Variants in DENND1A observed in about 807,000 individuals in gnomAD.
DENND1A encodes DENN domain-containing protein 1A.
In DENND1A, 51 loss-of-function variants were observed where a neutral mutation model predicts 113.7. That is an observed-to-expected ratio of 0.45 (90% confidence interval 0.36 to 0.57). The LOEUF (loss-of-function observed/expected upper bound fraction) is 0.57, where lower values mean the gene tolerates loss of function less well. DENND1A is among the 20% of genes least tolerant of loss of function. The pLI, the probability that DENND1A is intolerant of heterozygous loss-of-function variation, is 0.00. For synonymous variants in DENND1A, 565 were observed against 570.8 expected (o/e 0.99, Z 0.14); for missense variants, 1,258 against 1,395.9 (o/e 0.90, Z 1.57).
intron 9 of DENND1A, among the ~76,000 whole-genome samples, chr9:123,647,784 G>A (rs979040442): frequency 1.3e-4 from 20 of 151,970 alleles, no homozygotes; most frequent in African/African-American, 4.8e-4. Flanking sequence ...ACTACACCAC[G>A]GCCTATCAGT....
chr9:123,531,554 TACACACA>T (rs1438874758), intron 13 of DENND1A, among the ~76,000 whole-genome samples: 60 of 103,128 alleles, frequency 5.8e-4, no homozygotes, highest in African/African-American at 1.9e-3. Context: ...CCTCTCTCTC[TACACACA>T]CACACACACA....
intron 19 of DENND1A, among the ~76,000 whole-genome samples, chr9:123,432,251 A>C (rs1382067451): frequency 1.3e-5 from 2 of 152,208 alleles, no homozygotes; most frequent in Non-Finnish European, 2.9e-5. Flanking sequence ...TGTCTGCTCA[A>C]AGGAGCAAAC....
At chr9:123,526,862 T>C (rs577336158) in intron 13 of DENND1A, among the ~76,000 whole-genome samples, 3 of 152,308 alleles carry the variant, frequency 2.0e-5, no homozygotes, top group Non-Finnish European at 4.4e-5. Context: ...CTAATTACCA[T>C]CTATATGTTG....
chr9:123,821,788 C>T (rs1435590632), intron 2 of DENND1A, among the ~76,000 whole-genome samples: 1 of 152,184 alleles, frequency 6.6e-6, no homozygotes, highest in Admixed American at 6.5e-5. Flanking sequence ...ATGCAGAGGA[C>T]AAGCACACAA....
intron 10 of DENND1A, among the ~76,000 whole-genome samples, chr9:123,619,892 T>G (rs2060852926): frequency 6.6e-6 from 1 of 152,074 alleles, no homozygotes. Context: ...CTTTACCTAA[T>G]TTTTCCACCT....
At chr9:123,718,386 G>A (rs1313378771) in intron 5 of DENND1A, among the ~76,000 whole-genome samples, 2 of 152,218 alleles carry the variant, frequency 1.3e-5, no homozygotes, top group Non-Finnish European at 2.9e-5. Context: ...GGTAGCAAGA[G>A]TTTCTGTTAA....
chr9:123,828,149 G>A (rs374271152), intron 2 of DENND1A, among the ~76,000 whole-genome samples: 41 of 152,150 alleles, frequency 2.7e-4, no homozygotes, highest in African/African-American at 8.9e-4. Flanking sequence ...AGACGTGGAA[G>A]GGAGAGAGAG....
At chr9:123,635,290 G>A (rs974810985) in intron 9 of DENND1A, among the ~76,000 whole-genome samples, 6 of 152,216 alleles carry the variant, frequency 3.9e-5, no homozygotes, top group Non-Finnish European at 8.8e-5. Context: ...AAAGGAAAGA[G>A]TGCGTGTGTG....
At chr9:123,427,082 G>A (rs879284188) in intron 19 of DENND1A, among the ~76,000 whole-genome samples, 3 of 152,242 alleles carry the variant, frequency 2.0e-5, no homozygotes, top group Non-Finnish European at 4.4e-5. Flanking sequence ...TGAGAATGCT[G>A]GTGGGGAGAC....
intron 9 of DENND1A, among the ~76,000 whole-genome samples, chr9:123,631,061 A>G (rs981587378): frequency 1.3e-5 from 2 of 152,244 alleles, no homozygotes; most frequent in African/African-American, 4.8e-5. Context: ...ATTTGTATCT[A>G]TAGTTCCTAA....
At chr9:123,727,474 C>T (rs561245500) in intron 5 of DENND1A, among the ~76,000 whole-genome samples, 4 of 152,110 alleles carry the variant, frequency 2.6e-5, no homozygotes, top group African/African-American at 9.7e-5. Context: ...AGCACTTTTC[C>T]GATCCTCCAG....
chr9:123,559,794 A>G (rs996815983), intron 12 of DENND1A, among the ~76,000 whole-genome samples: 2 of 152,200 alleles, frequency 1.3e-5, no homozygotes, highest in African/African-American at 4.8e-5. Flanking sequence ...ATTACCCCCG[A>G]AAGAAACCTC....
At chr9:123,574,739 A>G (rs969291045) in intron 12 of DENND1A, among the ~76,000 whole-genome samples, 6 of 152,304 alleles carry the variant, frequency 3.9e-5, no homozygotes, top group Admixed American at 1.3e-4. Flanking sequence ...GAGAAACTAA[A>G]AGCTATGGCT....
intron 2 of DENND1A, among the ~76,000 whole-genome samples, chr9:123,876,547 G>A (rs1050898471): frequency 9.2e-5 from 14 of 152,156 alleles, no homozygotes; most frequent in African/African-American, 3.1e-4. Context: ...ATAATTCTGT[G>A]TGTGTATACT....
chr9:123,549,288 C>T (rs1438410288), intron 13 of DENND1A, among the ~76,000 whole-genome samples: 3 of 152,096 alleles, frequency 2.0e-5, no homozygotes, highest in Non-Finnish European at 4.4e-5. Context: ...TCTTGCTGTA[C>T]TGTACATAGT....
chr9:123,413,585 A>C (rs1249136135), intron 19 of DENND1A: 31 of 985,312 alleles, frequency 3.1e-5, no homozygotes, highest in Non-Finnish European at 3.7e-5. Flanking sequence ...GCCTGAGGGG[A>C]AAGCGGGTCC....
chr9:123,382,146 G>A lies in DENND1A; in HGVS notation c.2499C>T (p.Pro833=), dbSNP rs149995815. 122 of 1,599,962 alleles carry A rather than the reference G, an allele frequency of 7.6e-5. No homozygotes were observed. The African/African-American group carries it at 9.2e-4, about 12-fold the overall frequency. Residue 833 remains proline (P), a synonymous_variant, in exon 24 of 24, where the codon CCC becomes CCT. Transcript: ENST00000394215. Reference sequence around the variant, plus strand: ...CGTCACTGCTCGTGCCTGCAGCCCCGGGGCCAGGGCTGAGCGGCTGGAGCA... The same window carrying A: ...CGTCACTGCTCGTGCCTGCAGCCCCAGGGCCAGGGCTGAGCGGCTGGAGCA... ...TELLQPLSPG[P]GAAGTSSDAL... is the part of the protein sequence containing the mutation.
At position 123,660,188 on chromosome 9, in the gene DENND1A, T is replaced by C. The variant is rs1045841099; in HGVS notation, c.507+6838A>G. On this transcript the variant is annotated intron_variant, in intron 8 of 23. Transcript: ENST00000394215. ...CCCTGTCTAAAACGGGGCTCAGGTC[T>C]ACCCCTTTCGGAGTAGCTCTAAGGA... 6.6e-5 allele frequency among the ~76,000 whole-genome samples: 10 copies of C among 152,318 alleles called. No individual in the cohort carries two copies. In the East Asian group the frequency reaches 1.7e-3, roughly 26 times the overall value.
chr9:123,440,415 G>A lies in DENND1A; in HGVS notation c.1433C>T (p.Ala478Val). ...PKTAPSPLVE[A>V]KDPKLREDRR... ...GTCTTCTCGGAGCTTGGGGTCCTTG[G>A]CCTCCACCAGTGGGGACGGTGCAGT... is the stretch of plus-strand genomic sequence containing the variant. The change falls in exon 19 of 24, where the codon GCC (alanine) becomes GTC (valine). Residue 478 changes from alanine to valine, a missense_variant. Coordinates refer to ENST00000394215, the MANE Select transcript of DENND1A (RefSeq NM_001352964.2). The A allele has an allele frequency of 1.3e-6, 2 of 1,595,182 alleles. No individual in the cohort carries two copies. Among genetic ancestry groups the A allele is most frequent in the Non-Finnish European group, 1.7e-6 (2 of 1,173,350 alleles).
Sources: gnomAD v4.1 joint callset for allele counts (sites outside exome capture counted in the v4.1 genomes callset) on GRCh38, gnomAD v4.1.1 for gene constraint, MANE v1.5 for transcripts, NCBI Gene and HGNC (gene_info 2026-07-23, HGNC 2026-07-21) for gene names.